MYO5B: variants seen among roughly 807,000 people sequenced by gnomAD.
MYO5B encodes myosin VB, also known as unconventional myosin-Vb.
MYO5B carries 143 observed loss-of-function variants against 229.3 expected under a neutral mutation model. The observed-to-expected ratio is 0.62, with a 90% CI of 0.54 to 0.72. MYO5B has a LOEUF of 0.72. MYO5B is among the 30% of genes least tolerant of loss of function. MYO5B has a pLI of 0.00. For synonymous variants in MYO5B, 918 were observed against 885.2 expected, an observed-to-expected ratio of 1.04 and a Z score of -0.66; for missense variants, 2,321 against 2,331.0, an observed-to-expected ratio of 1.00 and a Z score of 0.09.
At chr18:49,858,516 GCCCCCCACCC>G (rs1023958016) in intron 29 of MYO5B, among the ~76,000 whole-genome samples, 22 of 152,288 alleles carry the variant, frequency 1.4e-4, no homozygotes, top group African/African-American at 5.3e-4. Context: ...CCAGCCTCCA[GCCCCCCACCC>G]CCCAGGGAGG....
chr18:50,084,365 T>TC (rs1310356514), intron 1 of MYO5B, among the ~76,000 whole-genome samples: 1 of 152,144 alleles, frequency 6.6e-6, no homozygotes, highest in Non-Finnish European at 1.5e-5. Flanking sequence ...AATTTTCAAA[T>TC]CCCTTCTTCT....
chr18:50,120,391 G>A (rs925756290), intron 1 of MYO5B, among the ~76,000 whole-genome samples: 1 of 152,238 alleles, frequency 6.6e-6, no homozygotes, highest in Admixed American at 6.5e-5. Flanking sequence ...GGAAGGAGAT[G>A]CAGGCAGCAG....
intron 17 of MYO5B, among the ~76,000 whole-genome samples, chr18:49,928,714 G>T (rs529098986): frequency 1.3e-5 from 2 of 152,272 alleles, no homozygotes; most frequent in South Asian, 4.2e-4. Context: ...CAAAAATATG[G>T]AACCAGCCCA....
chr18:49,949,740 C>T (rs1212657265), intron 14 of MYO5B, among the ~76,000 whole-genome samples: 1 of 152,146 alleles, frequency 6.6e-6, no homozygotes, highest in East Asian at 1.9e-4. Context: ...TGAGATTTAG[C>T]TGTGCTAAAT....
At chr18:50,140,372 A>G (rs2032399986) in intron 1 of MYO5B, among the ~76,000 whole-genome samples, 1 of 152,222 alleles carries the variant, frequency 6.6e-6, no homozygotes, top group South Asian at 2.1e-4. Context: ...GGAGGAAACT[A>G]AAGCAATGCC....
intron 34 of MYO5B, among the ~76,000 whole-genome samples, chr18:49,842,922 G>T (rs1207285488): frequency 6.6e-6 from 1 of 152,198 alleles, no homozygotes; most frequent in Non-Finnish European, 1.5e-5. Flanking sequence ...GCTGCAGCAG[G>T]ATGTCTCCCT....
chr18:49,980,587 A>G, intron 8 of MYO5B, 34 bp from the exon 9 acceptor site: 1 of 1,458,336 alleles, frequency 6.9e-7, no homozygotes, highest in Non-Finnish European at 9.6e-7. Context: ...GACACTCAGT[A>G]TCCATGGTCG....
intron 1 of MYO5B, among the ~76,000 whole-genome samples, chr18:50,166,906 G>T (rs1416690626): frequency 6.6e-6 from 1 of 152,128 alleles, no homozygotes; most frequent in African/African-American, 2.4e-5. Flanking sequence ...CACAATCTTG[G>T]ATATCAATTT....
At chr18:50,159,656 CTTCTA>C (rs1466952961) in intron 1 of MYO5B, among the ~76,000 whole-genome samples, 2 of 152,296 alleles carry the variant, frequency 1.3e-5, no homozygotes, top group Admixed American at 6.5e-5. Context: ...CAAAAGGAAT[CTTCTA>C]TTCTAAGAAA....
intron 1 of MYO5B, among the ~76,000 whole-genome samples, chr18:50,189,553 TG>T (rs1321884206): frequency 6.6e-6 from 1 of 152,118 alleles, no homozygotes; most frequent in African/African-American, 2.4e-5. Flanking sequence ...GACAAAGAGA[TG>T]GGTGCTGGCT....
At chr18:50,009,241 G>C (rs1269419760) in intron 4 of MYO5B, among the ~76,000 whole-genome samples, 1 of 152,106 alleles carries the variant, frequency 6.6e-6, no homozygotes, top group Non-Finnish European at 1.5e-5. Context: ...AGCTGGGTGT[G>C]GTGGTGGGTG....
At chr18:49,827,769 A>T (rs1001714606) in intron 39 of MYO5B, among the ~76,000 whole-genome samples, 78 of 152,150 alleles carry the variant, frequency 5.1e-4, no homozygotes, top group African/African-American at 1.8e-3. Context: ...TGAAGAAATA[A>T]TGCCAGAAAC....
chr18:50,189,432 A>T (rs754343988), intron 1 of MYO5B, among the ~76,000 whole-genome samples: 4 of 152,366 alleles, frequency 2.6e-5, no homozygotes, highest in South Asian at 2.1e-4. Flanking sequence ...CAAGGTGACA[A>T]GATAGGAAAC....
intron 12 of MYO5B, among the ~76,000 whole-genome samples, chr18:49,961,273 T>C (rs1430340421): frequency 6.6e-6 from 1 of 152,180 alleles, no homozygotes; most frequent in Non-Finnish European, 1.5e-5. Context: ...TGAGAGATTA[T>C]CTCTGCTTGG....
At chr18:50,073,807 T>C (rs1377232802) in intron 1 of MYO5B, among the ~76,000 whole-genome samples, 3 of 152,134 alleles carry the variant, frequency 2.0e-5, no homozygotes, top group Non-Finnish European at 4.4e-5. Flanking sequence ...ACTTTGGGGT[T>C]CAAGCAAAAG....
chr18:49,942,391 A>C (rs192352847), intron 14 of MYO5B, among the ~76,000 whole-genome samples: 1 of 111,730 alleles, frequency 9.0e-6, no homozygotes, highest in South Asian at 2.6e-4. Flanking sequence ...AAAAAAAAAA[A>C]AAAAAAAAAA....
At chr18:49,837,969 G>A (rs1229273732) in intron 36 of MYO5B, among the ~76,000 whole-genome samples, 167 bp from the exon 37 acceptor site, 1 of 152,192 alleles carries the variant, frequency 6.6e-6, no homozygotes, top group East Asian at 1.9e-4. Context: ...TTTCTAATGT[G>A]TTGATTTCTG....
At chr18:49,976,091 G>C (rs913007526) in intron 9 of MYO5B, among the ~76,000 whole-genome samples, 1 of 152,206 alleles carries the variant, frequency 6.6e-6, no homozygotes, top group Non-Finnish European at 1.5e-5. Flanking sequence ...TGGGAAAGCT[G>C]GTAGCCCAGG....
chr18:49,917,924 C>A (rs539798551), intron 17 of MYO5B, among the ~76,000 whole-genome samples: 2 of 152,256 alleles, frequency 1.3e-5, no homozygotes, highest in Non-Finnish European at 2.9e-5. Context: ...AGCTCAGGAC[C>A]CGTGACTGCT....
Sources: gnomAD v4.1 joint callset for allele counts (sites outside exome capture counted in the v4.1 genomes callset) on GRCh38, gnomAD v4.1.1 for gene constraint, MANE v1.5 for transcripts, NCBI Gene and HGNC (gene_info 2026-07-23, HGNC 2026-07-21) for gene names.